The following ABCB5 variants were observed in gnomAD, a reference collection of about 807,000 sequenced individuals.
The protein encoded by ABCB5 is ATP binding cassette subfamily B member 5.
Under a neutral mutation model 144.2 loss-of-function variants are expected in ABCB5, and 155 were observed. The ratio of observed to expected loss-of-function variants is 1.08; its 90% CI spans 0.94 to 1.23. The LOEUF is 1.23. Among genes scored for constraint, ABCB5 ranks in the 50% most tolerant of loss-of-function variants. The pLI is 0.00. For missense variants in ABCB5, 1,830 were observed against 1,520.8 expected (o/e 1.20, Z -3.38); for synonymous variants, 610 against 528.6 (o/e 1.15, Z -2.11).
chr7:20,631,449 A>G (rs1241906392), intron 4 of ABCB5, among the ~76,000 whole-genome samples: 1 of 152,170 alleles, frequency 6.6e-6, no homozygotes, highest in East Asian at 1.9e-4. Flanking sequence ...TAAGGAATAA[A>G]ATTATAATCA....
At chr7:20,754,094 G>A (rs1199476370) in intron 27 of ABCB5, among the ~76,000 whole-genome samples, 10 of 152,176 alleles carry the variant, frequency 6.6e-5, no homozygotes, top group Non-Finnish European at 8.8e-5. Flanking sequence ...TTAAATGAAT[G>A]GTTATCATTA....
chr7:20,716,676 A>T (rs892372820), intron 20 of ABCB5, among the ~76,000 whole-genome samples: 2 of 152,206 alleles, frequency 1.3e-5, no homozygotes, highest in African/African-American at 4.8e-5. Context: ...TAGTAAGGAG[A>T]GGAATGGGCC....
chr7:20,739,259 C>CCTG, intron 24 of ABCB5, 120 bp downstream of exon 24: 1 of 1,007,102 alleles, frequency 9.9e-7, no homozygotes, highest in Non-Finnish European at 1.4e-6. Context: ...GGGTGCTATA[C>CCTG]TCAGTACCTG....
chr7:20,689,495 A>G (rs750280292), intron 16 of ABCB5, among the ~76,000 whole-genome samples: 7 of 152,190 alleles, frequency 4.6e-5, no homozygotes, highest in Non-Finnish European at 1.0e-4. Context: ...AGTCTAGGGC[A>G]GTTCTGCATG....
rs913807596 is a variant in ABCB5, at chr7:20,721,684, G to C, written c.2422-1332G>C. On this transcript the variant is annotated intron_variant, in intron 20 of 27. Coordinates refer to ENST00000404938, the MANE Select transcript of ABCB5 (RefSeq NM_001163941.2). The stretch of plus-strand genomic sequence containing the variant: ...CATGATTATAATATCTTCACCAATA[G>C]AAAGAGATAATTTGTGTGAACGGTA... 3.6e-4 allele frequency among the ~76,000 whole-genome samples: 55 copies of C among 152,204 alleles called. 2 individuals carry two copies. The Middle Eastern group carries it at 0.014, about 38-fold the overall frequency.
At chr7:20,629,492 G>A (rs1783985524) in intron 4 of ABCB5, among the ~76,000 whole-genome samples, 1 of 152,156 alleles carries the variant, frequency 6.6e-6, no homozygotes, top group Non-Finnish European at 1.5e-5. Context: ...GCCGGGTGCA[G>A]TGGCTCATGC....
intron 1 of ABCB5, among the ~76,000 whole-genome samples, chr7:20,616,277 C>T (rs530762169): frequency 6.6e-6 from 1 of 152,272 alleles, no homozygotes; most frequent in South Asian, 2.1e-4. Flanking sequence ...CTCAGATGAT[C>T]CAGCCGCCTT....
intron 20 of ABCB5, among the ~76,000 whole-genome samples, chr7:20,714,355 A>C (rs1207343124): frequency 6.6e-6 from 1 of 152,148 alleles, no homozygotes; most frequent in East Asian, 1.9e-4. Flanking sequence ...TTTCAAAAAA[A>C]AAACCTGTAT....
At chr7:20,679,055 C>T (rs1048775386) in intron 14 of ABCB5, among the ~76,000 whole-genome samples, 1 of 151,972 alleles carries the variant, frequency 6.6e-6, no homozygotes, top group African/African-American at 2.4e-5. Context: ...ATCTGTGTGA[C>T]CTTGGAGTAA....
At chr7:20,675,212 C>A (rs1202170395) in intron 14 of ABCB5, among the ~76,000 whole-genome samples, 2 of 151,938 alleles carry the variant, frequency 1.3e-5, no homozygotes, top group Non-Finnish European at 2.9e-5. Context: ...AAAAACAAAG[C>A]TGAAGGCATC....
chr7:20,694,487 C>CA (rs1370934310), intron 16 of ABCB5, among the ~76,000 whole-genome samples: 1 of 151,918 alleles, frequency 6.6e-6, no homozygotes, highest in Non-Finnish European at 1.5e-5. Flanking sequence ...AAGGCAGCTA[C>CA]AAAAAACAAC....
Position 20,752,662 on chromosome 7 carries a change from C to T in ABCB5, c.3430-698C>T, listed in dbSNP as rs151147731. Among the ~76,000 whole-genome samples, 184 of 152,254 alleles carry T rather than the reference C, an allele frequency of 1.2e-3. 2 individuals carry two copies. In the East Asian group the frequency reaches 0.026, roughly 22 times the overall value. ...AGGAATTCATGACCAGCCTGGCCAA[C>T]GTGGTGAAACCTCATCTCTACTAAA... On this transcript the variant is annotated intron_variant, in intron 26 of 27. Coordinates refer to ENST00000404938, the MANE Select transcript of ABCB5 (RefSeq NM_001163941.2).
intron 20 of ABCB5, among the ~76,000 whole-genome samples, chr7:20,717,513 G>C (rs1166075348): frequency 6.6e-6 from 1 of 150,482 alleles, no homozygotes; most frequent in Non-Finnish European, 1.5e-5. Flanking sequence ...CGTTATGTTG[G>C]CTCACTGCAA....
At chr7:20,714,828 A>C (rs565616227) in intron 20 of ABCB5, among the ~76,000 whole-genome samples, 1 of 152,340 alleles carries the variant, frequency 6.6e-6, no homozygotes, top group South Asian at 2.1e-4. Context: ...AGCCTGTCTC[A>C]TCAAAAATCT....
intron 20 of ABCB5, among the ~76,000 whole-genome samples, chr7:20,716,867 T>C (rs933856856): frequency 1.3e-5 from 2 of 152,118 alleles, no homozygotes; most frequent in African/African-American, 4.8e-5. Flanking sequence ...AGCTTTCCCT[T>C]AGGAATTCTA....
chr7:20,734,923 TA>T (rs1782337133), intron 23 of ABCB5, among the ~76,000 whole-genome samples: 1 of 152,212 alleles, frequency 6.6e-6, no homozygotes, highest in Admixed American at 6.5e-5. Flanking sequence ...ATGTACAAAA[TA>T]AGTTTATTTT....
chr7:20,702,376 A>G (rs1418643767), intron 19 of ABCB5, among the ~76,000 whole-genome samples: 1 of 152,162 alleles, frequency 6.6e-6, no homozygotes, highest in East Asian at 1.9e-4. Flanking sequence ...AGGGGCTTCA[A>G]AATTTACCTA....
At chr7:20,697,294 C>A (rs1202594822) in intron 16 of ABCB5, among the ~76,000 whole-genome samples, 1 of 152,150 alleles carries the variant, frequency 6.6e-6, no homozygotes, top group African/African-American at 2.4e-5. Context: ...AGTGGCCACA[C>A]TGAGAATAGA....
At chr7:20,636,782 C>CAAAA (rs35824075) in intron 5 of ABCB5, among the ~76,000 whole-genome samples, 21 of 74,114 alleles carry the variant, frequency 2.8e-4, no homozygotes, top group South Asian at 5.6e-4. Flanking sequence ...AAGACTCCAT[C>CAAAA]AAAAAAAAAA....
Sources: allele counts gnomAD v4.1 joint callset (sites outside exome capture counted in the v4.1 genomes callset), GRCh38; gene constraint gnomAD v4.1.1; transcripts MANE v1.5; gene names NCBI Gene and HGNC (gene_info 2026-07-23, HGNC 2026-07-21).